Variants in NRXN3 observed in about 807,000 individuals in gnomAD.
The protein encoded by NRXN3 is neurexin 3.
NRXN3 carries 32 observed loss-of-function variants against 137.6 expected under a neutral mutation model. The ratio of observed to expected loss-of-function variants is 0.23; its 90% CI spans 0.18 to 0.31. NRXN3 has a LOEUF of 0.31. NRXN3 is among the 10% of genes least tolerant of loss of function. The probability of loss-of-function intolerance (pLI) is 1.00; values close to 1 mark genes in which losing one functional copy is unlikely to be tolerated. For missense variants in NRXN3, 1,574 were observed against 2,062.5 expected (o/e 0.76, Z 4.59); for synonymous variants, 798 against 784.5 (o/e 1.02, Z -0.29).
intron 19 of NRXN3, among the ~76,000 whole-genome samples, chr14:79,702,625 A>G (rs926381754): frequency 1.3e-5 from 2 of 151,994 alleles, no homozygotes; most frequent in African/African-American, 4.8e-5. Flanking sequence ...GTGAGTAGCA[A>G]GGGGTCCAGA....
intron 16 of NRXN3, among the ~76,000 whole-genome samples, chr14:79,548,941 A>T (rs1171423129): frequency 3.9e-5 from 6 of 152,174 alleles, no homozygotes; most frequent in Admixed American, 6.5e-5. Context: ...GTAATCTCCT[A>T]TGCTGACTTT....
chr14:79,704,360 T>C (rs1290390215), intron 19 of NRXN3, among the ~76,000 whole-genome samples: 1 of 152,080 alleles, frequency 6.6e-6, no homozygotes, highest in Admixed American at 6.6e-5. Flanking sequence ...ATCCACCTTA[T>C]CCCCAAATAC....
At chr14:78,689,207 C>T (rs898176036) in intron 6 of NRXN3, among the ~76,000 whole-genome samples, 1 of 152,074 alleles carries the variant, frequency 6.6e-6, no homozygotes, top group Non-Finnish European at 1.5e-5. Flanking sequence ...TAGTGCCATA[C>T]TCATCGTTGT....
At chr14:78,956,452 C>G (rs2152963619) in intron 10 of NRXN3, among the ~76,000 whole-genome samples, 1 of 152,284 alleles carries the variant, frequency 6.6e-6, no homozygotes, top group East Asian at 1.9e-4. Flanking sequence ...TTAGCTTGAG[C>G]ATCTGGAGCA....
chr14:79,157,273 A>G (rs1278492962), intron 15 of NRXN3, among the ~76,000 whole-genome samples: 1 of 151,798 alleles, frequency 6.6e-6, no homozygotes, highest in East Asian at 1.9e-4. Flanking sequence ...CTTTGATTTC[A>G]GCATTGAATC....
chr14:79,424,038 A>G (rs745660628), intron 15 of NRXN3, among the ~76,000 whole-genome samples: 4 of 152,340 alleles, frequency 2.6e-5, no homozygotes, highest in South Asian at 2.1e-4. Context: ...TAAGATCTCC[A>G]TGCACAGAAA....
chr14:78,554,662 A>G (rs2096722001), intron 4 of NRXN3, among the ~76,000 whole-genome samples: 1 of 152,144 alleles, frequency 6.6e-6, no homozygotes, highest in African/African-American at 2.4e-5. Context: ...GTGATTCCAA[A>G]TCTCAAGCAC....
intron 19 of NRXN3, among the ~76,000 whole-genome samples, chr14:79,723,077 C>G (rs1368352450): frequency 1.3e-5 from 2 of 151,974 alleles, no homozygotes; most frequent in Non-Finnish European, 2.9e-5. Flanking sequence ...AATGCAATCT[C>G]GAAGGAATAG....
intron 19 of NRXN3, among the ~76,000 whole-genome samples, chr14:79,785,930 G>A (rs1174880670): frequency 6.6e-6 from 1 of 151,724 alleles, no homozygotes; most frequent in Non-Finnish European, 1.5e-5. Context: ...AATAACCACT[G>A]TGTCAAGACC....
intron 15 of NRXN3, among the ~76,000 whole-genome samples, chr14:79,349,114 T>C (rs1489358721): frequency 6.6e-6 from 1 of 152,146 alleles, no homozygotes; most frequent in African/African-American, 2.4e-5. Flanking sequence ...TCCTAGTGCA[T>C]AGTACACATA....
intron 4 of NRXN3, among the ~76,000 whole-genome samples, chr14:78,402,129 T>C (rs1447480347): frequency 6.6e-6 from 1 of 152,244 alleles, no homozygotes; most frequent in Non-Finnish European, 1.5e-5. Flanking sequence ...GATCTATGTG[T>C]GTTCTTCTGA....
chr14:79,783,899 A>G (rs10483934), intron 19 of NRXN3, among the ~76,000 whole-genome samples: 1 of 151,938 alleles, frequency 6.6e-6, no homozygotes, highest in South Asian at 2.1e-4. Flanking sequence ...AATGCAAAAA[A>G]TAAGAATAAA....
At chr14:78,810,671 C>T (rs1209905199) in intron 10 of NRXN3, among the ~76,000 whole-genome samples, 2 of 152,126 alleles carry the variant, frequency 1.3e-5, no homozygotes, top group African/African-American at 2.4e-5. Flanking sequence ...TGGGAGGTAA[C>T]TCTGAGAGTG....
intron 20 of NRXN3, among the ~76,000 whole-genome samples, chr14:79,836,242 G>A (rs1195288830): frequency 6.6e-6 from 1 of 152,190 alleles, no homozygotes; most frequent in Non-Finnish European, 1.5e-5. Flanking sequence ...GACACTAAGT[G>A]TGAGCCACAG....
At chr14:79,484,277 T>C (rs1270928581) in intron 16 of NRXN3, among the ~76,000 whole-genome samples, 6 of 152,194 alleles carry the variant, frequency 3.9e-5, no homozygotes, top group African/African-American at 1.4e-4. Flanking sequence ...AGAAGTTAAC[T>C]CACTTCATCT....
At chr14:79,429,554 G>A (rs747497755) in intron 15 of NRXN3, among the ~76,000 whole-genome samples, 7 of 152,192 alleles carry the variant, frequency 4.6e-5, no homozygotes, top group Non-Finnish European at 8.8e-5. Context: ...ATTTCATAAA[G>A]TGTAACTCTT....
chr14:79,755,419 T>C (rs2099015984), intron 19 of NRXN3, among the ~76,000 whole-genome samples: 1 of 152,156 alleles, frequency 6.6e-6, no homozygotes, highest in Admixed American at 6.5e-5. Context: ...CCTAGATTCC[T>C]CTACAGTGTA....
intron 17 of NRXN3, among the ~76,000 whole-genome samples, chr14:79,666,064 TG>T (rs1306499995): frequency 3.3e-5 from 5 of 152,146 alleles, no homozygotes; most frequent in Non-Finnish European, 7.4e-5. Flanking sequence ...TTGAAATATT[TG>T]GTGCCTCTCC....
chr14:79,283,151 A>G (rs1480477803), intron 15 of NRXN3, among the ~76,000 whole-genome samples: 1 of 152,162 alleles, frequency 6.6e-6, no homozygotes, highest in Non-Finnish European at 1.5e-5. Flanking sequence ...GCATGGCACC[A>G]AGAGACTGAT....
Sources: gnomAD v4.1 joint callset for allele counts (sites outside exome capture counted in the v4.1 genomes callset) on GRCh38, gnomAD v4.1.1 for gene constraint, MANE v1.5 for transcripts, NCBI Gene and HGNC (gene_info 2026-07-23, HGNC 2026-07-21) for gene names.